Variants in FREM3 observed in about 807,000 individuals in gnomAD.
FREM3 encodes the protein FRAS1-related extracellular matrix protein 3.
In FREM3, 105 loss-of-function variants were observed where a neutral mutation model predicts 129.1. The observed-to-expected ratio is 0.81, with a 90% confidence interval of 0.69 to 0.96. The LOEUF (loss-of-function observed/expected upper bound fraction) is 0.96. FREM3 is among the 40% of genes least tolerant of loss of function. FREM3 has a pLI of 0.00. For missense variants in FREM3, 2,593 were observed against 2,666.3 expected (o/e 0.97, Z 0.61); for synonymous variants, 1,014 against 1,044.9 (o/e 0.97, Z 0.57).
chr4:143,651,420 A>G (rs1290243785), intron 2 of FREM3, among the ~76,000 whole-genome samples: 2 of 152,224 alleles, frequency 1.3e-5, no homozygotes, highest in Non-Finnish European at 2.9e-5. Context: ...CCAATTCTTA[A>G]ATATTCAAAG....
At chr4:143,644,135 T>C (rs1431884603) in intron 2 of FREM3, among the ~76,000 whole-genome samples, 1 of 152,046 alleles carries the variant, frequency 6.6e-6, no homozygotes, top group East Asian at 1.9e-4. Context: ...GCTCTTGGTC[T>C]CTGTAACTTT....
chr4:143,645,831 G>A (rs1424298014), intron 2 of FREM3, among the ~76,000 whole-genome samples: 15 of 152,138 alleles, frequency 9.9e-5, no homozygotes, highest in East Asian at 5.8e-4. Flanking sequence ...GATATTCACC[G>A]CTTGCCTTTT....
chr4:143,607,489 C>T (rs2149838588), intron 6 of FREM3, among the ~76,000 whole-genome samples: 1 of 152,214 alleles, frequency 6.6e-6, no homozygotes, highest in South Asian at 2.1e-4. Context: ...GTAGTTGGTT[C>T]ACAGTGTTAC....
chr4:143,652,146 C>CTTT lies in FREM3; in HGVS notation c.5276-24389_5276-24387dup, dbSNP rs1030414098. ...TTCATTCAAATGGTCTTTTTCCTTT[C>CTTT]TTTTTTTTTTTTTTTTTTTTTTTTT... On this transcript the variant is annotated intron_variant, in intron 2 of 7. Transcript: ENST00000329798. Among the ~76,000 whole-genome samples the CTTT allele has an allele frequency of 4.2e-3, 247 of 58,516 alleles. 61 individuals carry two copies. Among genetic ancestry groups the CTTT allele is most frequent in the East Asian group, 0.04 (33 of 816 alleles). 38.4% of individuals were successfully genotyped at this position (58,516 alleles called of 152,430 possible).
chr4:143,667,591 A>G (rs1360529490), intron 2 of FREM3, among the ~76,000 whole-genome samples: 2 of 152,086 alleles, frequency 1.3e-5, no homozygotes, highest in African/African-American at 2.4e-5. Flanking sequence ...GCTTTGTTTT[A>G]ATCAGAGGAA....
At chr4:143,662,617 A>T (rs200957522) in intron 2 of FREM3, among the ~76,000 whole-genome samples, 13,682 of 151,668 alleles carry the variant, frequency 0.09, 1,598 homozygotes, top group African/African-American at 0.26. Flanking sequence ...TGCAGAGCTG[A>T]GTTCAATTCC....
intron 2 of FREM3, among the ~76,000 whole-genome samples, chr4:143,660,660 TA>T (rs1739695319): frequency 6.6e-6 from 1 of 152,174 alleles, no homozygotes; most frequent in East Asian, 1.9e-4. Context: ...ACTGAATCTA[TA>T]AATTACCTTG....
At chr4:143,584,916 TACCATCCAC>T (rs1738211191) in intron 7 of FREM3, among the ~76,000 whole-genome samples, 1 of 152,164 alleles carries the variant, frequency 6.6e-6, no homozygotes, top group African/African-American at 2.4e-5. Flanking sequence ...TTCAGAAGTA[TACCATCCAC>T]ACTCTCAGAT....
At chr4:143,625,149 AC>A (rs1292099017) in intron 3 of FREM3, among the ~76,000 whole-genome samples, 1 of 152,158 alleles carries the variant, frequency 6.6e-6, no homozygotes, top group African/African-American at 2.4e-5. Context: ...GAAAAGTGCT[AC>A]CCCATCAAGA....
chr4:143,663,403 A>G (rs2149853209), intron 2 of FREM3, among the ~76,000 whole-genome samples: 1 of 152,256 alleles, frequency 6.6e-6, no homozygotes, highest in Non-Finnish European at 1.5e-5. Flanking sequence ...AGAATGTTGA[A>G]TATTGGCCCC....
chr4:143,652,814 A>C (rs1412932688), intron 2 of FREM3, among the ~76,000 whole-genome samples: 2 of 152,080 alleles, frequency 1.3e-5, no homozygotes, highest in Non-Finnish European at 2.9e-5. Flanking sequence ...TTTTTTATAG[A>C]GATGGGGTTT....
intron 2 of FREM3, among the ~76,000 whole-genome samples, chr4:143,676,411 C>T (rs1345446332): frequency 1.3e-5 from 2 of 152,218 alleles, no homozygotes; most frequent in African/African-American, 4.8e-5. Context: ...AAGAGCTATT[C>T]ATGACAGACT....
intron 2 of FREM3, among the ~76,000 whole-genome samples, chr4:143,690,598 C>G (rs1380228454): frequency 6.6e-6 from 1 of 151,998 alleles, no homozygotes; most frequent in Non-Finnish European, 1.5e-5. Context: ...TCTGTTAGTG[C>G]TATGTGCTAT....
Position 143,611,319 on chromosome 4 carries a change from G to A in FREM3, c.5988C>T (p.Phe1996=), listed in dbSNP as rs1288589149. 2 of 1,537,058 alleles carry A rather than the reference G, an allele frequency of 1.3e-6. No individual in the cohort carries two copies. Among genetic ancestry groups the A allele is most frequent in the Admixed American group, 3.9e-5 (2 of 50,990 alleles). ...CCAGAATAGTCACCTTAGTGGTGGG[G>A]AATCTGGCTCCCAGCTGTCCTCCCA... The part of the protein sequence containing the change: ...LPVGGQLGAR[F]PTTKVTILAD... The change falls in exon 6 of 8, where the codon TTC becomes TTT. Residue 1996 remains phenylalanine (F), a synonymous_variant. Transcript: ENST00000329798.
chr4:143,624,945 G>C (rs904285331), intron 3 of FREM3, among the ~76,000 whole-genome samples: 15 of 152,250 alleles, frequency 9.9e-5, no homozygotes, highest in Admixed American at 8.5e-4. Context: ...TATGTTTAGT[G>C]ATTTTTTGAT....
At chr4:143,668,350 C>T (rs1001369642) in intron 2 of FREM3, among the ~76,000 whole-genome samples, 2 of 152,204 alleles carry the variant, frequency 1.3e-5, no homozygotes, top group Non-Finnish European at 2.9e-5. Context: ...ATCTGAGGCC[C>T]TAAACCTTCC....
chr4:143,608,190 G>A (rs1218568010), intron 6 of FREM3, among the ~76,000 whole-genome samples: 1 of 152,144 alleles, frequency 6.6e-6, no homozygotes, highest in Non-Finnish European at 1.5e-5. Flanking sequence ...CACAATTTTG[G>A]TGGTTAGAAT....
intron 2 of FREM3, among the ~76,000 whole-genome samples, chr4:143,677,888 C>T (rs538187056): frequency 8.9e-4 from 136 of 152,242 alleles, no homozygotes; most frequent in Non-Finnish European, 1.5e-3. Flanking sequence ...AGTCAGGAAA[C>T]AACAGGTGCT....
At chr4:143,642,456 CA>C (rs1266092263) in intron 2 of FREM3, among the ~76,000 whole-genome samples, 4 of 152,104 alleles carry the variant, frequency 2.6e-5, no homozygotes, top group Admixed American at 6.6e-5. Flanking sequence ...ACCAATTAAA[CA>C]GAATAGAGAT....
Sources: gnomAD v4.1 joint callset for allele counts (sites outside exome capture counted in the v4.1 genomes callset) on GRCh38, gnomAD v4.1.1 for gene constraint, MANE v1.5 for transcripts, NCBI Gene and HGNC (gene_info 2026-07-23, HGNC 2026-07-21) for gene names.